GRM7: variants seen among roughly 807,000 people sequenced by gnomAD.
GRM7 encodes the protein glutamate metabotropic receptor 7.
In GRM7, 35 loss-of-function variants were observed where a neutral mutation model predicts 84.5. The ratio of observed to expected loss-of-function variants is 0.41; its 90% CI spans 0.32 to 0.55. The LOEUF (loss-of-function observed/expected upper bound fraction) is 0.55, where lower values mean the gene tolerates loss of function less well. Among genes scored for constraint, GRM7 ranks in the 20% least tolerant of loss-of-function variants. The pLI is 0.19. For missense variants in GRM7, 1,003 were observed against 1,194.6 expected (o/e 0.84, Z 2.36); for synonymous variants, 487 against 455.1 (o/e 1.07, Z -0.89).
intron 2 of GRM7, among the ~76,000 whole-genome samples, chr3:7,156,400 C>A (rs1047876288): frequency 2.0e-5 from 3 of 152,108 alleles, no homozygotes; most frequent in Admixed American, 2.0e-4. Context: ...TTATTTTCTC[C>A]GAACAAATTC....
chr3:7,558,410 C>T (rs1032711330), intron 7 of GRM7, among the ~76,000 whole-genome samples: 4 of 151,970 alleles, frequency 2.6e-5, no homozygotes, highest in Non-Finnish European at 4.4e-5. Flanking sequence ...AAGTAAAACA[C>T]TAACCTAGTA....
intron 9 of GRM7, among the ~76,000 whole-genome samples, chr3:7,684,850 C>G (rs1399319198): frequency 1.3e-5 from 2 of 152,232 alleles, no homozygotes; most frequent in East Asian, 3.9e-4. Flanking sequence ...GGCTGTAGCT[C>G]AGCTACTTAC....
intron 1 of GRM7, among the ~76,000 whole-genome samples, chr3:7,131,074 C>T (rs1693580930): frequency 6.6e-6 from 1 of 152,142 alleles, no homozygotes; most frequent in East Asian, 1.9e-4. Context: ...TATTTATTTT[C>T]CCTTTTCTAT....
intron 1 of GRM7, among the ~76,000 whole-genome samples, chr3:6,995,220 T>C (rs1281972639): frequency 6.6e-6 from 1 of 152,214 alleles, no homozygotes; most frequent in Admixed American, 6.5e-5. Context: ...CACCAGACTT[T>C]TTCTGTAAAA....
chr3:7,127,831 A>C (rs1359841552), intron 1 of GRM7, among the ~76,000 whole-genome samples: 6 of 152,042 alleles, frequency 3.9e-5, no homozygotes, highest in African/African-American at 1.4e-4. Context: ...TCGATTTTCA[A>C]ATTTGGAAAA....
At chr3:6,886,863 A>G (rs1048351529) in intron 1 of GRM7, among the ~76,000 whole-genome samples, 3 of 152,068 alleles carry the variant, frequency 2.0e-5, no homozygotes, top group Non-Finnish European at 4.4e-5. Context: ...TTTAATCTAT[A>G]CTACACTATT....
chr3:7,613,603 TAAC>T (rs1696945000), intron 8 of GRM7, among the ~76,000 whole-genome samples: 1 of 152,142 alleles, frequency 6.6e-6, no homozygotes, highest in Non-Finnish European at 1.5e-5. Context: ...CATTTTGCTT[TAAC>T]AACAAGGGAA....
intron 9 of GRM7, among the ~76,000 whole-genome samples, chr3:7,711,952 G>T (rs927990422): frequency 6.6e-6 from 1 of 152,170 alleles, no homozygotes; most frequent in African/African-American, 2.4e-5. Context: ...CAAGATTTTT[G>T]CAGTTAGTGA....
intron 8 of GRM7, among the ~76,000 whole-genome samples, chr3:7,610,293 A>G (rs1220224853): frequency 6.6e-6 from 1 of 152,154 alleles, no homozygotes; most frequent in Non-Finnish European, 1.5e-5. Context: ...AATTAGCCAT[A>G]ATAGAGATGC....
intron 8 of GRM7, among the ~76,000 whole-genome samples, chr3:7,651,093 A>T (rs1698916815): frequency 6.6e-6 from 1 of 152,192 alleles, no homozygotes. Context: ...GTGTTCATAC[A>T]GTTCACGTCT....
chr3:7,139,313 A>G (rs901365727), intron 1 of GRM7, among the ~76,000 whole-genome samples: 3 of 151,798 alleles, frequency 2.0e-5, no homozygotes, highest in Non-Finnish European at 4.4e-5. Flanking sequence ...GAATGATCAC[A>G]ACATCTAGCA....
At chr3:7,059,098 A>AGTTACTATTTAT (rs1166987637) in intron 1 of GRM7, among the ~76,000 whole-genome samples, 6 of 151,816 alleles carry the variant, frequency 4.0e-5, no homozygotes, top group African/African-American at 9.7e-5. Flanking sequence ...TTCTAAGAGA[A>AGTTACTATTTAT]GTTACTATTT....
At chr3:7,014,047 G>A (rs1695476997) in intron 1 of GRM7, among the ~76,000 whole-genome samples, 1 of 151,982 alleles carries the variant, frequency 6.6e-6, no homozygotes, top group Admixed American at 6.6e-5. Context: ...TTTTTGGTGG[G>A]GGCAAGAATA....
At chr3:6,868,053 A>G (rs1694996013) in intron 1 of GRM7, among the ~76,000 whole-genome samples, 1 of 152,216 alleles carries the variant, frequency 6.6e-6, no homozygotes, top group South Asian at 2.1e-4. Context: ...AGTAGTAACC[A>G]TAATAATAAT....
intron 2 of GRM7, among the ~76,000 whole-genome samples, chr3:7,242,683 A>T (rs1697603338): frequency 6.6e-6 from 1 of 152,138 alleles, no homozygotes. Flanking sequence ...GTTTTGTGTT[A>T]TCACAAACCA....
chr3:7,419,155 T>C (rs73810635), intron 5 of GRM7, among the ~76,000 whole-genome samples: 178 of 152,210 alleles, frequency 1.2e-3, no homozygotes, highest in African/African-American at 4.2e-3. Flanking sequence ...TACGTAAGTA[T>C]AGACAAGAAT....
intron 1 of GRM7, among the ~76,000 whole-genome samples, chr3:6,944,378 T>C (rs1697989324): frequency 6.6e-6 from 1 of 152,154 alleles, no homozygotes; most frequent in Non-Finnish European, 1.5e-5. Flanking sequence ...TCATAGTTTT[T>C]TATCAGGAAT....
At chr3:6,919,356 G>T (rs1000563456) in intron 1 of GRM7, among the ~76,000 whole-genome samples, 2 of 140,338 alleles carry the variant, frequency 1.4e-5, no homozygotes, top group African/African-American at 5.6e-5. Context: ...CCACCACCAT[G>T]CCTGGCTAAT....
chr3:7,117,205 G>A (rs1448404650), intron 1 of GRM7, among the ~76,000 whole-genome samples: 1 of 152,186 alleles, frequency 6.6e-6, no homozygotes, highest in Non-Finnish European at 1.5e-5. Flanking sequence ...TTAATCTGGT[G>A]CTGTGTTGTG....
Sources: allele counts gnomAD v4.1 joint callset (sites outside exome capture counted in the v4.1 genomes callset), GRCh38; gene constraint gnomAD v4.1.1; transcripts MANE v1.5; gene names NCBI Gene and HGNC (gene_info 2026-07-23, HGNC 2026-07-21).